Variants in VPS41 observed in about 807,000 individuals in gnomAD.
The protein encoded by VPS41 is vacuolar protein sorting-associated protein 41 homolog.
Under a neutral mutation model 130.9 loss-of-function variants are expected in VPS41, and 85 were observed. The observed-to-expected ratio is 0.65, with a 90% CI of 0.55 to 0.78. VPS41 has a LOEUF of 0.78. Ranked by LOEUF, VPS41 falls within the 30% of genes least tolerant of loss-of-function variation. VPS41 has a pLI of 0.00. For synonymous variants in VPS41, 335 were observed against 332.9 expected (o/e 1.01, Z -0.07); for missense variants, 874 against 1,018.7 (o/e 0.86, Z 1.93).
intron 2 of VPS41, among the ~76,000 whole-genome samples, chr7:38,888,097 G>A (rs1001558508): frequency 2.0e-5 from 3 of 152,140 alleles, no homozygotes; most frequent in Non-Finnish European, 2.9e-5. Context: ...AAAGACCATC[G>A]ATGCTATGAA....
chr7:38,772,006 CG>C (rs1328090386), intron 13 of VPS41, among the ~76,000 whole-genome samples: 2 of 151,850 alleles, frequency 1.3e-5, no homozygotes, highest in Non-Finnish European at 2.9e-5. Context: ...CATCTAAGAA[CG>C]TAACTTTGTA....
intron 3 of VPS41, among the ~76,000 whole-genome samples, chr7:38,867,074 T>A (rs1786245227): frequency 6.6e-6 from 1 of 152,178 alleles, no homozygotes; most frequent in Non-Finnish European, 1.5e-5. Context: ...GATCAAATAA[T>A]GTTGACTGCA....
At chr7:38,831,174 T>A (rs1469681861) in intron 4 of VPS41, 2 of 469,680 alleles carry the variant, frequency 4.3e-6, no homozygotes, top group Non-Finnish European at 8.8e-6. Context: ...TACATTTTTT[T>A]AAATATCGAT....
At chr7:38,791,856 A>C (rs1784542926) in intron 9 of VPS41, among the ~76,000 whole-genome samples, 1 of 152,156 alleles carries the variant, frequency 6.6e-6, no homozygotes. Context: ...TAGGGGGGGT[A>C]AAACCAGCAC....
intron 25 of VPS41, among the ~76,000 whole-genome samples, chr7:38,738,510 CT>C (rs767301132): frequency 2.0e-5 from 3 of 152,142 alleles, no homozygotes; most frequent in Non-Finnish European, 4.4e-5. Context: ...GGAAAAAAGC[CT>C]CCAACTACAA....
intron 6 of VPS41, among the ~76,000 whole-genome samples, chr7:38,820,254 A>G (rs1309093443): frequency 6.6e-6 from 1 of 152,192 alleles, no homozygotes; most frequent in African/African-American, 2.4e-5. Context: ...CTAGAGTATT[A>G]TATTAGGCTT....
chr7:38,732,146 T>G (rs941687988), intron 25 of VPS41, among the ~76,000 whole-genome samples: 9 of 152,238 alleles, frequency 5.9e-5, no homozygotes. Flanking sequence ...AGCCTAGTGA[T>G]ACGGCATCTA....
rs562341181 is a variant in VPS41, at chr7:38,816,835, T to C, written c.450+982A>G. Among the ~76,000 whole-genome samples the C allele has an allele frequency of 4.4e-3, 666 of 152,208 alleles. 4 individuals are homozygous for C. Among genetic ancestry groups the C allele is most frequent in the African/African-American group, 0.015 (642 of 41,534 alleles). On this transcript the variant is annotated intron_variant, in intron 7 of 28. Coordinates refer to ENST00000310301, the MANE Select transcript of VPS41 (RefSeq NM_014396.4). ...ATTATAGCTCACTGCAACCTCAAAC[T>C]CCTAGGTTCAAGTGATCCTCCCACC...
At chr7:38,795,704 G>T (rs1784605785) in intron 8 of VPS41, 93 bp from the exon 9 acceptor site, 1 of 1,159,422 alleles carries the variant, frequency 8.6e-7, no homozygotes, top group Non-Finnish European at 1.2e-6. Context: ...CCAATAACCA[G>T]CACGGAGAAA....
chr7:38,863,254 G>A (rs762629011), intron 3 of VPS41, among the ~76,000 whole-genome samples: 3 of 152,076 alleles, frequency 2.0e-5, no homozygotes, highest in Non-Finnish European at 4.4e-5. Flanking sequence ...ATTTTATGTC[G>A]TAAGTCCTAC....
intron 13 of VPS41, among the ~76,000 whole-genome samples, chr7:38,771,780 TA>T (rs1313332513): frequency 2.0e-5 from 3 of 152,210 alleles, no homozygotes; most frequent in Admixed American, 2.0e-4. Context: ...TTAACATAAA[TA>T]TTTAAAACAT....
chr7:38,796,672 A>G (rs1231633454), intron 8 of VPS41, 73 bp downstream of exon 8: 10 of 1,607,244 alleles, frequency 6.2e-6, no homozygotes, highest in Admixed American at 1.7e-5. Flanking sequence ...TTTTCCCTTC[A>G]TTACAGCCCT....
At chr7:38,744,847 G>C (rs1795955262) in intron 23 of VPS41, among the ~76,000 whole-genome samples, 2 of 152,166 alleles carry the variant, frequency 1.3e-5, no homozygotes, top group African/African-American at 2.4e-5. Context: ...GAGGCAAAGA[G>C]GCCAATGAGA....
chr7:38,759,360 G>C (rs748262965), intron 17 of VPS41, among the ~76,000 whole-genome samples: 1 of 152,180 alleles, frequency 6.6e-6, no homozygotes, highest in Non-Finnish European at 1.5e-5. Flanking sequence ...TGTGTTGTGA[G>C]AGTATAGCAT....
chr7:38,893,463 A>C (rs1425233382), intron 2 of VPS41, among the ~76,000 whole-genome samples: 1 of 152,240 alleles, frequency 6.6e-6, no homozygotes, highest in African/African-American at 2.4e-5. Flanking sequence ...TATTGAAAAG[A>C]TCTTAATGCT....
chr7:38,878,658 G>A (rs182681184), intron 2 of VPS41, among the ~76,000 whole-genome samples: 86 of 152,310 alleles, frequency 5.6e-4, no homozygotes, highest in African/African-American at 1.7e-3. Context: ...CATTTGATAA[G>A]TCAGAGGAAA....
intron 7 of VPS41, among the ~76,000 whole-genome samples, chr7:38,799,801 AT>A (rs1784690592): frequency 6.6e-6 from 1 of 152,216 alleles, no homozygotes; most frequent in South Asian, 2.1e-4. Flanking sequence ...ATAGTAAAAC[AT>A]TTTATAAAAT....
intron 5 of VPS41, among the ~76,000 whole-genome samples, chr7:38,829,549 T>G (rs1245337977): frequency 2.6e-5 from 4 of 152,140 alleles, no homozygotes; most frequent in African/African-American, 7.2e-5. Context: ...CAAACCAACA[T>G]TAGAAAAGAT....
At chr7:38,865,034 C>G (rs554760313) in intron 3 of VPS41, among the ~76,000 whole-genome samples, 1 of 152,166 alleles carries the variant, frequency 6.6e-6, no homozygotes, top group African/African-American at 2.4e-5. Flanking sequence ...GCAAAGGAAA[C>G]AAGAGTAGTC....
Sources: allele counts gnomAD v4.1 joint callset (sites outside exome capture counted in the v4.1 genomes callset), GRCh38; gene constraint gnomAD v4.1.1; transcripts MANE v1.5; gene names NCBI Gene and HGNC (gene_info 2026-07-23, HGNC 2026-07-21).